MYO10: variants seen among roughly 807,000 people sequenced by gnomAD.
MYO10 encodes myosin X, also known as unconventional myosin-X.
A neutral mutation model predicts 257.3 loss-of-function variants in MYO10; 133 were observed. The observed-to-expected ratio is 0.52, with a 90% confidence interval of 0.45 to 0.60. The LOEUF (loss-of-function observed/expected upper bound fraction) is 0.60. Among genes scored for constraint, MYO10 ranks in the 20% least tolerant of loss-of-function variants. MYO10 has a pLI of 0.00. For missense variants in MYO10, 2,399 were observed against 2,635.7 expected, an observed-to-expected ratio of 0.91 and a Z score of 1.97; for synonymous variants, 1,104 against 1,028.6, an observed-to-expected ratio of 1.07 and a Z score of -1.40.
chr5:16,732,082 T>G (rs1219110665), intron 19 of MYO10, among the ~76,000 whole-genome samples: 1 of 152,114 alleles, frequency 6.6e-6, no homozygotes, highest in East Asian at 1.9e-4. Flanking sequence ...GAGATAAAGC[T>G]GAAGGGGAAC....
chr5:16,902,347 GT>G, intron 1 of MYO10: 11 of 1,168,330 alleles, frequency 9.4e-6, no homozygotes, highest in Non-Finnish European at 1.4e-5. Flanking sequence ...CTAAATCAGG[GT>G]GGGGGTGTTC....
intron 1 of MYO10, among the ~76,000 whole-genome samples, chr5:16,908,451 C>A (rs1745572559): frequency 6.6e-6 from 1 of 152,144 alleles, no homozygotes. Flanking sequence ...TCGCTTGAAC[C>A]CAGGAGGTGA....
intron 3 of MYO10, among the ~76,000 whole-genome samples, chr5:16,796,287 G>GA (rs1418305873): frequency 1.5e-5 from 2 of 134,974 alleles, no homozygotes; most frequent in Non-Finnish European, 1.6e-5. Context: ...AAGAAAGAAA[G>GA]AAGAAAAGAA....
chr5:16,728,993 G>A (rs1381737146), intron 19 of MYO10, among the ~76,000 whole-genome samples: 3 of 152,080 alleles, frequency 2.0e-5, no homozygotes, highest in Non-Finnish European at 4.4e-5. Flanking sequence ...TAAGCACAGC[G>A]TGGAAGGGGA....
chr5:16,781,575 T>C, intron 6 of MYO10, 130 bp downstream of exon 6: 1 of 974,940 alleles, frequency 1.0e-6, no homozygotes, highest in South Asian at 1.7e-5. Context: ...GAGCAATAAC[T>C]AACTGTCTAA....
rs1346381941 is a variant in MYO10, at chr5:16,766,096, G to A, written c.1163C>T (p.Pro388Leu). ...MFLRGEEILTPLNVQQAVDSR... is the reference protein window; with the variant it reads ...MFLRGEEILTLLNVQQAVDSR... The stretch of plus-strand genomic sequence containing the variant: ...CGTGTGTACCTGTTGAACATTGAGA[G>A]GCGTGAGGATCTCTTCTCCCCTGAG... Residue 388 changes from proline (P) to leucine (L), a missense_variant, in exon 11 of 41, where the codon CCT becomes CTT. Physicochemically the swap from Pro to Leu is moderately conservative, Grantham distance 98. Transcript: ENST00000513610. The A allele has an allele frequency of 1.2e-6, 2 of 1,610,700 alleles. No individual in the cohort carries two copies. Among genetic ancestry groups the A allele is most frequent in the African/African-American group, 2.7e-5 (2 of 74,818 alleles).
At chr5:16,899,298 T>C (rs1745308775) in intron 1 of MYO10, among the ~76,000 whole-genome samples, 1 of 151,930 alleles carries the variant, frequency 6.6e-6, no homozygotes, top group Non-Finnish European at 1.5e-5. Context: ...AACATTCACC[T>C]GAGGAGACAA....
chr5:16,855,993 C>T (rs371313649), intron 2 of MYO10, among the ~76,000 whole-genome samples: 1 of 152,176 alleles, frequency 6.6e-6, no homozygotes, highest in East Asian at 1.9e-4. Context: ...AGATGAACGA[C>T]GGACTTTAAC....
chr5:16,724,728 T>C lies in MYO10; in HGVS notation c.1930-13483A>G, dbSNP rs541614719. Among the ~76,000 whole-genome samples, 15 of 152,278 alleles carry C rather than the reference T, an allele frequency of 9.9e-5. No homozygotes were observed. In the South Asian group the frequency reaches 1.0e-3, roughly 11 times the overall value. On this transcript the variant is annotated intron_variant, in intron 19 of 40. Coordinates refer to ENST00000513610, the MANE Select transcript of MYO10 (RefSeq NM_012334.3). ...CTCTTTTTCCCCACTAACTAATTTG[T>C]TGTTGTTAAATGAAAAAATAATACA... is the stretch of plus-strand genomic sequence containing the variant.
chr5:16,708,244 A>G (rs1161286564), intron 21 of MYO10, among the ~76,000 whole-genome samples: 1 of 152,244 alleles, frequency 6.6e-6, no homozygotes, highest in East Asian at 1.9e-4. Flanking sequence ...ATTTCAATCC[A>G]TAGGGATCTC....
At chr5:16,670,396 G>A (rs1328798896) in intron 39 of MYO10, 130 bp downstream of exon 39, 4 of 712,554 alleles carry the variant, frequency 5.6e-6, no homozygotes, top group Non-Finnish European at 6.9e-6. Flanking sequence ...ACAATTCTGG[G>A]GGCTCGAATA....
At chr5:16,875,288 T>A (rs1311061138) in intron 2 of MYO10, among the ~76,000 whole-genome samples, 1 of 152,202 alleles carries the variant, frequency 6.6e-6, no homozygotes, top group African/African-American at 2.4e-5. Context: ...TATGTACAGG[T>A]CCTGAAAGAA....
chr5:16,697,152 AG>A (rs530269859), intron 26 of MYO10, among the ~76,000 whole-genome samples: 55 of 152,196 alleles, frequency 3.6e-4, no homozygotes, highest in African/African-American at 1.2e-3. Flanking sequence ...CAAACCTTCT[AG>A]GGGTTTCATG....
At chr5:16,771,713 G>A (rs1384349730) in intron 9 of MYO10, among the ~76,000 whole-genome samples, 1 of 151,488 alleles carries the variant, frequency 6.6e-6, no homozygotes. Flanking sequence ...CTGAGTAGCT[G>A]GGACAACAGG....
intron 1 of MYO10, among the ~76,000 whole-genome samples, chr5:16,889,822 C>T (rs555524159): frequency 6.6e-6 from 1 of 151,892 alleles, no homozygotes; most frequent in South Asian, 2.1e-4. Flanking sequence ...TGCGTGAAAT[C>T]TGATACCAGA....
intron 3 of MYO10, among the ~76,000 whole-genome samples, chr5:16,807,459 C>T (rs1742310883): frequency 6.6e-6 from 1 of 152,150 alleles, no homozygotes; most frequent in Non-Finnish European, 1.5e-5. Context: ...GGAAGCCCCT[C>T]CTTTCTCATC....
intron 3 of MYO10, among the ~76,000 whole-genome samples, chr5:16,816,348 A>C (rs2126702779): frequency 1.3e-5 from 2 of 151,088 alleles, no homozygotes; most frequent in South Asian, 2.1e-4. Flanking sequence ...AAAAAAAAAA[A>C]AAAAAGGCAA....
At chr5:16,934,923 T>C (rs757797627) in intron 1 of MYO10, among the ~76,000 whole-genome samples, 1 of 152,208 alleles carries the variant, frequency 6.6e-6, no homozygotes, top group Non-Finnish European at 1.5e-5. Flanking sequence ...GAAAATCACA[T>C]CAGACTCTCT....
chr5:16,824,215 T>G (rs972832424), intron 2 of MYO10, among the ~76,000 whole-genome samples: 2 of 152,220 alleles, frequency 1.3e-5, no homozygotes, highest in African/African-American at 4.8e-5. Context: ...AATCGCTAGA[T>G]GACATACAGA....
Sources: gnomAD v4.1 joint callset for allele counts (sites outside exome capture counted in the v4.1 genomes callset) on GRCh38, gnomAD v4.1.1 for gene constraint, MANE v1.5 for transcripts, NCBI Gene and HGNC (gene_info 2026-07-23, HGNC 2026-07-21) for gene names.